The following MICU2 variants were observed in gnomAD, a reference collection of about 807,000 sequenced individuals.
MICU2 encodes mitochondrial calcium uptake 2.
In MICU2, 64 loss-of-function variants were observed where a neutral mutation model predicts 60.4. The ratio of observed to expected loss-of-function variants is 1.06; its 90% CI spans 0.87 to 1.31. The LOEUF (loss-of-function observed/expected upper bound fraction) is 1.31, where lower values mean the gene tolerates loss of function less well. Ranked by LOEUF, MICU2 falls within the 50% of genes most tolerant of loss-of-function variation. The pLI, the probability that MICU2 is intolerant of heterozygous loss-of-function variation, is 0.00. For missense variants in MICU2, 569 were observed against 531.0 expected (o/e 1.07, Z -0.70); for synonymous variants, 201 against 175.0 (o/e 1.15, Z -1.17).
intron 4 of MICU2, chr13:21,531,401 G>A (rs1271611276): frequency 1.0e-6 from 1 of 955,278 alleles, no homozygotes; most frequent in African/African-American, 1.7e-5. Flanking sequence ...AACGAGAGTG[G>A]TCCTTCCCTT....
chr13:21,563,422 T>A (rs1887897618), intron 2 of MICU2, among the ~76,000 whole-genome samples: 2 of 151,214 alleles, frequency 1.3e-5, no homozygotes, highest in African/African-American at 4.9e-5. Flanking sequence ...ACCACTGCAC[T>A]CCAGCCTGGG....
At chr13:21,537,009 T>C (rs1219732873) in intron 4 of MICU2, among the ~76,000 whole-genome samples, 1 of 152,220 alleles carries the variant, frequency 6.6e-6, no homozygotes, top group Non-Finnish European at 1.5e-5. Context: ...TGTTTTCTGC[T>C]CTTGGACATC....
At chr13:21,544,532 A>AAAAAAAAAAAAAAAAAAAAAC (rs560934524) in intron 2 of MICU2, among the ~76,000 whole-genome samples, 1 of 132,510 alleles carries the variant, frequency 7.5e-6, no homozygotes. Context: ...AAAAAAAAAA[A>AAAAAAAAAAAAAAAAAAAAAC]AACTCAATAC....
In MICU2 at chr13:21,496,085, T is replaced by C; in HGVS notation, c.1009A>G (p.Met337Val). ...HLEDFAIAMQ[M>V]FSLAHRPVRL... Reference sequence around the variant, plus strand: ...ACAGGACGATGAGCTAAACTGAACATCTGCATGGCAATAGCAAAGTCTTCC... The same window carrying C: ...ACAGGACGATGAGCTAAACTGAACACCTGCATGGCAATAGCAAAGTCTTCC... Residue 337 changes from methionine (M) to valine (V), a missense_variant, in exon 10 of 12, where the codon ATG (methionine) becomes GTG (valine). Transcript: ENST00000382374. 1 of 1,614,014 alleles carries C rather than the reference T, an allele frequency of 6.2e-7. No individual in the cohort carries two copies. The highest frequency in any genetic ancestry group is 1.1e-5 in the South Asian group (1 of 91,046).
intron 1 of MICU2, among the ~76,000 whole-genome samples, chr13:21,600,972 A>T (rs1888801297): frequency 6.6e-6 from 1 of 151,816 alleles, no homozygotes; most frequent in Admixed American, 6.6e-5. Flanking sequence ...AATTTTTTGT[A>T]TTTTTAGTAG....
chr13:21,539,516 T>C (rs1887227137), intron 3 of MICU2, 139 bp from the exon 4 acceptor site: 9 of 1,312,086 alleles, frequency 6.9e-6, no homozygotes, highest in Non-Finnish European at 9.7e-6. Context: ...TTAGCCAGGA[T>C]GGTGATCTCC....
At position 21,521,258 on chromosome 13, in the gene MICU2, C is replaced by CT. The variant is rs1886709581; in HGVS notation, c.583dup (p.Arg195LysfsTer5). The stretch of plus-strand genomic sequence containing the variant: ...GCGTCCACTTACCTTAAAAAATTCC[C>CT]TTTTTTCAATCATCTCATTACCATC... On this transcript the variant is annotated frameshift_variant, in exon 6 of 12. Transcript: ENST00000382374. LOFTEE classifies it high-confidence loss of function. The CT allele has an allele frequency of 2.5e-6, 4 of 1,602,468 alleles. No homozygotes were observed. The highest frequency in any genetic ancestry group is 2.3e-5 in the South Asian group (2 of 88,226).
At chr13:21,568,311 C>T (rs1326208217) in intron 1 of MICU2, among the ~76,000 whole-genome samples, 1 of 152,148 alleles carries the variant, frequency 6.6e-6, no homozygotes, top group Non-Finnish European at 1.5e-5. Context: ...CCTTGAGCAG[C>T]TAGTTTTACA....
chr13:21,559,248 T>G (rs2138029896), intron 2 of MICU2, among the ~76,000 whole-genome samples: 1 of 152,364 alleles, frequency 6.6e-6, no homozygotes, highest in South Asian at 2.1e-4. Context: ...CTAAGTTTGT[T>G]CACTTTTACT....
chr13:21,580,840 T>G (rs1888332745), intron 1 of MICU2, among the ~76,000 whole-genome samples: 1 of 152,124 alleles, frequency 6.6e-6, no homozygotes, highest in African/African-American at 2.4e-5. Flanking sequence ...ATGAATAAAC[T>G]TGAAGAAGCT....
At chr13:21,521,403 T>G in intron 5 of MICU2, 76 bp from the exon 6 acceptor site, 1 of 1,150,882 alleles carries the variant, frequency 8.7e-7, no homozygotes, top group Non-Finnish European at 1.3e-6. Context: ...GTCTTCAAAT[T>G]TGACATACAC....
At chr13:21,510,486 T>C (rs1413431930) in intron 7 of MICU2, among the ~76,000 whole-genome samples, 2 of 152,262 alleles carry the variant, frequency 1.3e-5, no homozygotes, top group Non-Finnish European at 2.9e-5. Context: ...TTTTGTTGAA[T>C]GTTGGAAATA....
At chr13:21,538,431 G>A (rs1466790790) in intron 4 of MICU2, among the ~76,000 whole-genome samples, 1 of 151,844 alleles carries the variant, frequency 6.6e-6, no homozygotes, top group East Asian at 1.9e-4. Flanking sequence ...AATTAGCCAT[G>A]TATGGTGGTG....
chr13:21,535,820 T>A (rs1887116734), intron 4 of MICU2, among the ~76,000 whole-genome samples: 1 of 152,136 alleles, frequency 6.6e-6, no homozygotes, highest in South Asian at 2.1e-4. Flanking sequence ...ATACTATAAA[T>A]GTTTAAAATA....
intron 2 of MICU2, among the ~76,000 whole-genome samples, chr13:21,547,120 G>A (rs566374020): frequency 6.6e-6 from 1 of 152,222 alleles, no homozygotes; most frequent in African/African-American, 2.4e-5. Context: ...ATTAGCAACT[G>A]GCTTTATGTA....
At chr13:21,550,136 T>G (rs1446131400) in intron 2 of MICU2, among the ~76,000 whole-genome samples, 1 of 152,190 alleles carries the variant, frequency 6.6e-6, no homozygotes, top group Non-Finnish European at 1.5e-5. Flanking sequence ...AATAAAGACT[T>G]AAGGCAAAAT....
At chr13:21,576,785 C>T (rs1022859) in intron 1 of MICU2, among the ~76,000 whole-genome samples, 148,416 of 152,222 alleles carry the variant, frequency 0.97, 72,451 homozygotes, top group Middle Eastern at 1. Context: ...CTCTCTATCA[C>T]CAAATCTCTC....
chr13:21,495,960 T>G, intron 10 of MICU2, 92 bp downstream of exon 10: 2 of 838,248 alleles, frequency 2.4e-6, no homozygotes, highest in East Asian at 5.4e-5. Context: ...TTTTTACTTA[T>G]AATTTGTTCC....
intron 1 of MICU2, among the ~76,000 whole-genome samples, chr13:21,594,122 A>C (rs1040882721): frequency 1.4e-4 from 22 of 152,320 alleles, no homozygotes; most frequent in African/African-American, 5.3e-4. Context: ...AAATTTTTGC[A>C]ATCTACCCAT....
Sources: gnomAD v4.1 joint callset for allele counts (sites outside exome capture counted in the v4.1 genomes callset) on GRCh38, gnomAD v4.1.1 for gene constraint, MANE v1.5 for transcripts, NCBI Gene and HGNC (gene_info 2026-07-23, HGNC 2026-07-21) for gene names.